SNX29: variants seen among roughly 807,000 people sequenced by gnomAD.
SNX29 encodes sorting nexin-29.
Under a neutral mutation model 102.1 loss-of-function variants are expected in SNX29, and 78 were observed. The ratio of observed to expected loss-of-function variants is 0.76; its 90% CI spans 0.64 to 0.92. The LOEUF is 0.92. Among genes scored for constraint, SNX29 ranks in the 40% least tolerant of loss-of-function variants. The pLI, the probability that SNX29 is intolerant of heterozygous loss-of-function variation, is 0.00. For synonymous variants in SNX29, 580 were observed against 414.5 expected (o/e 1.40, Z -4.85); for missense variants, 1,280 against 1,061.7 (o/e 1.21, Z -2.86).
intron 14 of SNX29, among the ~76,000 whole-genome samples, chr16:12,248,078 A>G (rs538553102): frequency 6.6e-6 from 1 of 152,226 alleles, no homozygotes; most frequent in Admixed American, 6.5e-5. Context: ...CATTCTGGTG[A>G]TGCCCCTCTC....
intron 1 of SNX29, among the ~76,000 whole-genome samples, chr16:11,993,121 C>A (rs1312083995): frequency 1.3e-5 from 2 of 151,718 alleles, no homozygotes; most frequent in Non-Finnish European, 2.9e-5. Context: ...GAAGAGATGG[C>A]GCCACCGTAC....
intron 20 of SNX29, among the ~76,000 whole-genome samples, chr16:12,547,959 G>C (rs1167880783): frequency 1.3e-5 from 2 of 152,134 alleles, no homozygotes; most frequent in African/African-American, 2.4e-5. Context: ...AAGGTGCTCA[G>C]TCTTTTGGGA....
At chr16:12,330,473 G>A (rs1056929211) in intron 15 of SNX29, among the ~76,000 whole-genome samples, 2 of 152,160 alleles carry the variant, frequency 1.3e-5, no homozygotes, top group African/African-American at 4.8e-5. Flanking sequence ...AGTAATGATA[G>A]TTAACACTCA....
intron 15 of SNX29, among the ~76,000 whole-genome samples, chr16:12,352,355 G>A (rs1032602570): frequency 2.0e-5 from 3 of 151,924 alleles, no homozygotes; most frequent in South Asian, 2.1e-4. Flanking sequence ...ATCACACACC[G>A]GGGACTGTTG....
chr16:12,141,351 C>T (rs1484775369), intron 13 of SNX29, among the ~76,000 whole-genome samples: 3 of 152,170 alleles, frequency 2.0e-5, no homozygotes, highest in South Asian at 2.1e-4. Context: ...GCTGTAAATG[C>T]TGGTAGTGCT....
chr16:12,565,200 A>T (rs535058446), intron 20 of SNX29, among the ~76,000 whole-genome samples: 1 of 152,262 alleles, frequency 6.6e-6, no homozygotes, highest in South Asian at 2.1e-4. Context: ...AGATTCTGCT[A>T]TTCAGCCAGA....
chr16:12,549,322 C>G (rs926238642), intron 20 of SNX29, among the ~76,000 whole-genome samples: 1 of 152,224 alleles, frequency 6.6e-6, no homozygotes, highest in Non-Finnish European at 1.5e-5. Context: ...TGACAAAACC[C>G]CATGTCTACC....
intron 20 of SNX29, among the ~76,000 whole-genome samples, chr16:12,551,723 G>T (rs1461611674): frequency 6.6e-6 from 1 of 152,194 alleles, no homozygotes; most frequent in Admixed American, 6.5e-5. Flanking sequence ...CTTGTGAATG[G>T]GGACAGCTGA....
chr16:12,134,535 C>G (rs906418884), intron 13 of SNX29, among the ~76,000 whole-genome samples: 2 of 152,198 alleles, frequency 1.3e-5, no homozygotes, highest in Non-Finnish European at 2.9e-5. Context: ...GGGCTGCTCC[C>G]AACACAGTAG....
At chr16:12,147,870 C>G (rs2055131505) in intron 13 of SNX29, among the ~76,000 whole-genome samples, 1 of 152,196 alleles carries the variant, frequency 6.6e-6, no homozygotes, top group South Asian at 2.1e-4. Flanking sequence ...TGTGACATCA[C>G]TGCCAAGCAA....
intron 13 of SNX29, among the ~76,000 whole-genome samples, chr16:12,134,706 C>T (rs973175525): frequency 6.6e-6 from 1 of 152,194 alleles, no homozygotes; most frequent in African/African-American, 2.4e-5. Flanking sequence ...GGGAAACACA[C>T]AGTGGTGTGA....
Position 12,100,356 on chromosome 16 carries a change from G to A in SNX29, c.1402+21441G>A, listed in dbSNP as rs76797615. Among the ~76,000 whole-genome samples, 1,232 of 152,266 alleles carry A rather than the reference G, an allele frequency of 8.1e-3. 17 individuals carry two copies. The highest frequency in any genetic ancestry group is 0.028 in the African/African-American group (1,175 of 41,558). Reference sequence around the variant, plus strand: ...GGTAGCACCACCACCAGTTGTGACAGGCAAGTGTCTGTGGACAGTGCCCAG... The same window carrying A: ...GGTAGCACCACCACCAGTTGTGACAAGCAAGTGTCTGTGGACAGTGCCCAG... On this transcript the variant is annotated intron_variant, in intron 11 of 20. Coordinates refer to ENST00000566228, the MANE Select transcript of SNX29 (RefSeq NM_032167.5).
intron 8 of SNX29, among the ~76,000 whole-genome samples, chr16:12,060,074 G>A (rs1018529890): frequency 2.6e-5 from 4 of 151,982 alleles, no homozygotes; most frequent in African/African-American, 9.7e-5. Context: ...CTGGCTCTCT[G>A]CATCCATGGA....
At chr16:12,544,700 T>C (rs1031202389) in intron 20 of SNX29, among the ~76,000 whole-genome samples, 9 of 152,192 alleles carry the variant, frequency 5.9e-5, no homozygotes, top group Non-Finnish European at 1.3e-4. Context: ...ATTCTCTTCC[T>C]CCACCATCCC....
chr16:12,159,599 C>T (rs569436214), intron 13 of SNX29, among the ~76,000 whole-genome samples: 4 of 152,302 alleles, frequency 2.6e-5, no homozygotes, highest in African/African-American at 9.6e-5. Flanking sequence ...GTAGCTCACA[C>T]CTGTAATCCT....
intron 15 of SNX29, among the ~76,000 whole-genome samples, chr16:12,346,537 G>C (rs576142536): frequency 6.6e-6 from 1 of 152,244 alleles, no homozygotes; most frequent in African/African-American, 2.4e-5. Context: ...TGCCTCTGGC[G>C]TTCGCACCAC....
intron 20 of SNX29, among the ~76,000 whole-genome samples, chr16:12,539,341 A>G (rs575476721): frequency 1.5e-4 from 23 of 151,654 alleles, no homozygotes; most frequent in African/African-American, 5.1e-4. Context: ...AGAATGTCAC[A>G]TAAATGGAAT....
chr16:12,472,662 C>T (rs185048943), intron 18 of SNX29, among the ~76,000 whole-genome samples: 3 of 152,008 alleles, frequency 2.0e-5, no homozygotes, highest in Admixed American at 6.6e-5. Context: ...CTGGTAGACG[C>T]TCTTCATCTT....
chr16:12,113,706 G>A (rs2053582586), intron 11 of SNX29, among the ~76,000 whole-genome samples: 1 of 152,226 alleles, frequency 6.6e-6, no homozygotes, highest in African/African-American at 2.4e-5. Flanking sequence ...GACAACAGAT[G>A]TTGGCCTCGC....
Sources: allele counts gnomAD v4.1 joint callset (sites outside exome capture counted in the v4.1 genomes callset), GRCh38; gene constraint gnomAD v4.1.1; transcripts MANE v1.5; gene names NCBI Gene and HGNC (gene_info 2026-07-23, HGNC 2026-07-21).